IL1RAPL2: variants seen among roughly 807,000 people sequenced by gnomAD.
IL1RAPL2 encodes interleukin 1 receptor accessory protein like 2.
A neutral mutation model predicts 44.1 loss-of-function variants in IL1RAPL2; 3 were observed. The ratio of observed to expected loss-of-function variants is 0.07; its 90% confidence interval spans 0.03 to 0.18. IL1RAPL2 has a LOEUF of 0.18. Ranked by LOEUF, IL1RAPL2 falls within the 10% of genes least tolerant of loss-of-function variation. The probability of loss-of-function intolerance (pLI) is 1.00; values close to 1 mark genes in which losing one functional copy is unlikely to be tolerated. For missense variants in IL1RAPL2, 391 were observed against 496.4 expected (o/e 0.79, Z 2.02); for synonymous variants, 181 against 178.8 (o/e 1.01, Z -0.10).
intron 6 of IL1RAPL2, among the ~76,000 whole-genome samples, chrX:105,704,363 A>G (rs1239617964): frequency 9.0e-6 from 1 of 111,602 alleles, no homozygotes; most frequent in Non-Finnish European, 1.9e-5. Flanking sequence ...CAACTAAGAT[A>G]TCTGCGTAAT....
At chrX:104,773,956 C>T (rs1932679758) in intron 2 of IL1RAPL2, among the ~76,000 whole-genome samples, 1 of 112,195 alleles carries the variant, frequency 8.9e-6, no homozygotes, top group Admixed American at 9.4e-5. Context: ...CTTTGTATAA[C>T]TACCCGTAGT....
chrX:104,771,097 C>G (rs2147597463), intron 2 of IL1RAPL2, among the ~76,000 whole-genome samples: 1 of 112,230 alleles, frequency 8.9e-6, no homozygotes, highest in Admixed American at 9.4e-5. Context: ...CCCCATGATC[C>G]CTGCTTCTTT....
At chrX:104,775,204 T>C (rs1452083508) in intron 2 of IL1RAPL2, among the ~76,000 whole-genome samples, 1 of 112,543 alleles carries the variant, frequency 8.9e-6, no homozygotes, top group Non-Finnish European at 1.9e-5. Flanking sequence ...GTATTAATAC[T>C]ACCCAGATAC....
chrX:104,926,576 T>C (rs988468714), intron 2 of IL1RAPL2, among the ~76,000 whole-genome samples: 1 of 111,707 alleles, frequency 9.0e-6, no homozygotes, highest in Non-Finnish European at 1.9e-5. Context: ...TTTGATTCTG[T>C]TCACTTAAGA....
chrX:104,919,991 AG>A (rs1020680250), intron 2 of IL1RAPL2, among the ~76,000 whole-genome samples: 3 of 111,034 alleles, frequency 2.7e-5, no homozygotes, highest in Non-Finnish European at 5.7e-5. Flanking sequence ...GAGGCATAAG[AG>A]GCCATTGGAC....
chrX:105,251,234 G>GA (rs2034266141), intron 4 of IL1RAPL2, among the ~76,000 whole-genome samples: 1 of 108,468 alleles, frequency 9.2e-6, no homozygotes, highest in Non-Finnish European at 1.9e-5. Context: ...TCTAAAGGTG[G>GA]AAAAAATGTC....
intron 5 of IL1RAPL2, among the ~76,000 whole-genome samples, chrX:105,305,603 C>T (rs1327201014): frequency 6.3e-5 from 7 of 110,715 alleles, no homozygotes; most frequent in African/African-American, 2.0e-4. Flanking sequence ...CTATTTTTTT[C>T]GAATGCTTAG....
chrX:104,625,248 T>G (rs780857957), intron 1 of IL1RAPL2, among the ~76,000 whole-genome samples: 1 of 111,365 alleles, frequency 9.0e-6, no homozygotes, highest in Admixed American at 9.7e-5. Context: ...ATTTCTTACT[T>G]ACTTATTTAA....
chrX:105,517,657 C>CAA (rs1217904871), intron 6 of IL1RAPL2, among the ~76,000 whole-genome samples: 1 of 109,827 alleles, frequency 9.1e-6, no homozygotes, highest in African/African-American at 3.3e-5. Context: ...CTCTGTCATT[C>CAA]AAAAAAAACA....
chrX:105,473,412 G>C (rs921992975), intron 5 of IL1RAPL2, among the ~76,000 whole-genome samples: 2 of 111,657 alleles, frequency 1.8e-5, no homozygotes, highest in African/African-American at 6.5e-5. Flanking sequence ...CCCAAACTAA[G>C]TAAGTCTTTA....
rs973064805 is a variant in IL1RAPL2 at position 105,536,051 on chromosome X, CT to C, written c.772+51671del. 3.6e-5 allele frequency among the ~76,000 whole-genome samples: 4 copies of C among 111,189 alleles called. No homozygotes were observed. The South Asian group carries it at 1.5e-3, about 42-fold the overall frequency. On this transcript the variant is annotated intron_variant, in intron 6 of 10. Coordinates refer to ENST00000372582, the MANE Select transcript of IL1RAPL2 (RefSeq NM_017416.2). ...TAGTAATAGCTACCAATATATAGTT[CT>C]TTTTTTACAAATATATAGTTCTGAT...
At chrX:105,232,314 A>C (rs1405594943) in intron 3 of IL1RAPL2, among the ~76,000 whole-genome samples, 1 of 112,133 alleles carries the variant, frequency 8.9e-6, no homozygotes, top group Non-Finnish European at 1.9e-5. Flanking sequence ...ATGAGTGACT[A>C]CTAAGCAGTA....
intron 2 of IL1RAPL2, among the ~76,000 whole-genome samples, chrX:104,855,762 C>T (rs1922348681): frequency 9.8e-6 from 1 of 102,406 alleles, no homozygotes; most frequent in South Asian, 4.6e-4. Flanking sequence ...CCTGCTGGAC[C>T]CAAGCGATCC....
At chrX:105,106,021 C>T (rs2032737578) in intron 2 of IL1RAPL2, among the ~76,000 whole-genome samples, 1 of 111,598 alleles carries the variant, frequency 9.0e-6, no homozygotes, top group Non-Finnish European at 1.9e-5. Flanking sequence ...AATGAAATAA[C>T]TAAAGATTCA....
At chrX:104,881,344 A>G (rs1923065287) in intron 2 of IL1RAPL2, among the ~76,000 whole-genome samples, 1 of 111,874 alleles carries the variant, frequency 8.9e-6, no homozygotes, top group East Asian at 2.8e-4. Flanking sequence ...CATTTTTCAT[A>G]TTTATCTGTA....
chrX:104,961,624 C>T lies in IL1RAPL2; in HGVS notation c.83-233851C>T, dbSNP rs183246938. Among the ~76,000 whole-genome samples, 31 of 111,672 alleles carry T rather than the reference C, an allele frequency of 2.8e-4. No individual in the cohort carries two copies. In the East Asian group the frequency reaches 8.7e-3, roughly 31 times the overall value. The stretch of plus-strand genomic sequence containing the variant: ...TCCCTCTACCCCATTCCTCCAAGAA[C>T]TCTCAATTCAACTACTTTGTTTCAT... On this transcript the variant is annotated intron_variant, in intron 2 of 10. Coordinates refer to ENST00000372582, the MANE Select transcript of IL1RAPL2 (RefSeq NM_017416.2).
chrX:105,600,964 TTAAAA>T (rs1392536016), intron 6 of IL1RAPL2, among the ~76,000 whole-genome samples: 1 of 111,848 alleles, frequency 8.9e-6, no homozygotes, highest in African/African-American at 3.2e-5. Flanking sequence ...ATCTGATGGT[TTAAAA>T]TGTTATTTCA....
intron 6 of IL1RAPL2, among the ~76,000 whole-genome samples, chrX:105,650,954 T>A (rs1168569912): frequency 8.9e-6 from 1 of 112,420 alleles, no homozygotes; most frequent in Non-Finnish European, 1.9e-5. Flanking sequence ...TTAGGTTAAG[T>A]AAGATTTTCC....
At chrX:105,088,370 G>A (rs763981890) in intron 2 of IL1RAPL2, among the ~76,000 whole-genome samples, 1 of 111,942 alleles carries the variant, frequency 8.9e-6, no homozygotes, top group East Asian at 2.8e-4. Flanking sequence ...GGTCTATTAA[G>A]TAGTTTGAAT....
Sources: gnomAD v4.1 joint callset for allele counts (sites outside exome capture counted in the v4.1 genomes callset) on GRCh38, gnomAD v4.1.1 for gene constraint, MANE v1.5 for transcripts, NCBI Gene and HGNC (gene_info 2026-07-23, HGNC 2026-07-21) for gene names.